Variants in C2CD3 observed in about 807,000 individuals in gnomAD.
The protein encoded by C2CD3 is C2 domain-containing protein 3.
A neutral mutation model predicts 234.0 loss-of-function variants in C2CD3; 148 were observed. That is an observed-to-expected ratio of 0.63 (90% confidence interval 0.55 to 0.72). The LOEUF is 0.72. C2CD3 is among the 30% of genes least tolerant of loss of function. The pLI is 0.00. For missense variants in C2CD3, 2,577 were observed against 2,811.5 expected, an observed-to-expected ratio of 0.92 and a Z score of 1.89; for synonymous variants, 1,000 against 1,035.4, an observed-to-expected ratio of 0.97 and a Z score of 0.66.
chr11:74,033,925 T>C lies in C2CD3; in HGVS notation c.6235A>G (p.Thr2079Ala). ...CAAGGGCTAGTTTTGTCTGTCACCGTGGTGATCTCATTTAAGGTCCTGGGC... is the reference window on the plus strand; with the variant it reads ...CAAGGGCTAGTTTTGTCTGTCACCGCGGTGATCTCATTTAAGGTCCTGGGC... ...IEPRTLNEIT[T>A]VTDKTSPWSS... Residue 2079 changes from threonine (T) to alanine (A), a missense_variant, in exon 31 of 33, where the codon ACG becomes GCG. By Grantham distance (58) the Thr-to-Ala change is moderately conservative. Coordinates refer to ENST00000334126, the MANE Select transcript of C2CD3 (RefSeq NM_001286577.2). 1 of 1,536,282 alleles carries C rather than the reference T, an allele frequency of 6.5e-7. No individual in the cohort carries two copies. Among genetic ancestry groups the C allele is most frequent in the South Asian group, 1.2e-5 (1 of 84,064 alleles).
chr11:74,117,855 G>C (rs1957081455), intron 9 of C2CD3, among the ~76,000 whole-genome samples: 1 of 151,362 alleles, frequency 6.6e-6, no homozygotes, highest in East Asian at 1.9e-4. Context: ...GGAGGTTGCG[G>C]TGATCTGAGA....
rs12291090 is a variant in C2CD3 at position 74,113,659 on chromosome 11, G to A, written c.1843+121C>T. The A allele has an allele frequency of 5.8e-3, 4,076 of 702,626 alleles. 129 individuals carry two copies. In the African/African-American group the frequency reaches 0.068, roughly 12 times the overall value. 43.5% of individuals were successfully genotyped at this position (702,626 alleles called of 1,614,324 possible). On this transcript the variant is annotated intron_variant, in intron 11 of 32. Transcript: ENST00000334126. ...TGCGCCACCACACTCCAGCCTGGGCGAAAGAGTGAGACTCCATGTCAAAAA... is the reference window on the plus strand; with the variant it reads ...TGCGCCACCACACTCCAGCCTGGGCAAAAGAGTGAGACTCCATGTCAAAAA...
At chr11:74,151,340 C>T (rs1855645108) in intron 3 of C2CD3, among the ~76,000 whole-genome samples, 1 of 125,656 alleles carries the variant, frequency 8.0e-6, no homozygotes, top group Non-Finnish European at 1.6e-5. Context: ...TTTATTGAGA[C>T]AGGGTCTCAC....
chr11:74,034,950 G>A (rs1051527158), intron 30 of C2CD3, among the ~76,000 whole-genome samples: 1 of 152,234 alleles, frequency 6.6e-6, no homozygotes, highest in East Asian at 1.9e-4. Flanking sequence ...CATACACTGT[G>A]TGGTGAATAT....
intron 25 of C2CD3, among the ~76,000 whole-genome samples, chr11:74,057,202 G>C (rs1282219686): frequency 1.3e-5 from 2 of 152,134 alleles, no homozygotes; most frequent in African/African-American, 2.4e-5. Flanking sequence ...AGCATACTGA[G>C]AAGAGTTAAA....
intron 7 of C2CD3, chr11:74,129,348 A>G: frequency 6.2e-6 from 1 of 162,434 alleles, no homozygotes; most frequent in Admixed American, 6.9e-5. Flanking sequence ...AGGTCTCCTC[A>G]TTTCTCAGAC....
intron 5 of C2CD3, among the ~76,000 whole-genome samples, chr11:74,133,866 A>G (rs1957766438): frequency 6.6e-6 from 1 of 152,156 alleles, no homozygotes; most frequent in Non-Finnish European, 1.5e-5. Context: ...CTTGTACCTA[A>G]TAAGGTTAGT....
intron 3 of C2CD3, among the ~76,000 whole-genome samples, chr11:74,141,928 G>A (rs897798698): frequency 3.3e-5 from 5 of 151,966 alleles, no homozygotes; most frequent in East Asian, 1.9e-4. Context: ...CTTGAGCCCC[G>A]GATATTGAGG....
intron 24 of C2CD3, among the ~76,000 whole-genome samples, chr11:74,073,636 T>C (rs1954901661): frequency 6.6e-6 from 1 of 151,540 alleles, no homozygotes; most frequent in African/African-American, 2.4e-5. Flanking sequence ...CCCCTAACTA[T>C]TGTAATTTCA....
chr11:74,149,748 T>C (rs1035360814), intron 3 of C2CD3, among the ~76,000 whole-genome samples: 1 of 152,150 alleles, frequency 6.6e-6, no homozygotes, highest in Non-Finnish European at 1.5e-5. Context: ...GTTTGCAATA[T>C]CCCACCTTGT....
intron 22 of C2CD3, 98 bp downstream of exon 22, chr11:74,084,783 C>T (rs1955565198): frequency 1.3e-6 from 1 of 753,122 alleles, no homozygotes. Flanking sequence ...GTTGTGTTTT[C>T]TTTTGAATAT....
chr11:74,097,911 C>CACATTATGTT (rs1400825118), intron 16 of C2CD3, 98 bp downstream of exon 16: 22 of 1,207,598 alleles, frequency 1.8e-5, no homozygotes, highest in Admixed American at 6.7e-5. Flanking sequence ...TTTTGTTGAG[C>CACATTATGTT]CTTTCATTAC....
chr11:74,064,377 C>T (rs199947054), intron 24 of C2CD3, among the ~76,000 whole-genome samples: 2 of 152,060 alleles, frequency 1.3e-5, no homozygotes, highest in East Asian at 3.8e-4. Flanking sequence ...ATGTGAAGGA[C>T]CTCTTCAAGG....
At chr11:74,143,500 GCAC>G (rs1417425586) in intron 3 of C2CD3, among the ~76,000 whole-genome samples, 1 of 149,774 alleles carries the variant, frequency 6.7e-6, no homozygotes, top group Non-Finnish European at 1.5e-5. Flanking sequence ...TTACTGGTGT[GCAC>G]CACCACATCA....
At chr11:74,030,619 T>G (rs1232693768) in intron 31 of C2CD3, among the ~76,000 whole-genome samples, 2 of 152,174 alleles carry the variant, frequency 1.3e-5, no homozygotes, top group African/African-American at 4.8e-5. Flanking sequence ...CTGCTTCTCT[T>G]TGCACACTGG....
intron 3 of C2CD3, among the ~76,000 whole-genome samples, chr11:74,151,906 G>A (rs1235598466): frequency 6.6e-6 from 1 of 152,150 alleles, no homozygotes; most frequent in Non-Finnish European, 1.5e-5. Context: ...AACTTTTAGA[G>A]ATGAAAATAT....
chr11:74,130,380 C>T lies in C2CD3; in HGVS notation c.1217+2464G>A, dbSNP rs531461687. 2.1e-3 allele frequency among the ~76,000 whole-genome samples: 324 copies of T among 152,102 alleles called. 1 individual carries two copies. The highest frequency in any genetic ancestry group is 4.0e-3 in the Non-Finnish European group (271 of 67,982). On this transcript the variant is annotated intron_variant, in intron 7 of 32. Transcript: ENST00000334126. ...AGCTAGGACTACAGTCATATGCCACCATACCTAGCTAATCTTTTTTATTTT... is the reference window on the plus strand; with the variant it reads ...AGCTAGGACTACAGTCATATGCCACTATACCTAGCTAATCTTTTTTATTTT...
At chr11:74,093,243 C>T (rs912576740) in intron 18 of C2CD3, among the ~76,000 whole-genome samples, 6 of 149,776 alleles carry the variant, frequency 4.0e-5, no homozygotes, top group African/African-American at 7.4e-5. Flanking sequence ...GTTGAACATC[C>T]GTATTTATGC....
chr11:74,019,683 A>ATTTT (rs879892933), intron 32 of C2CD3, among the ~76,000 whole-genome samples: 5,754 of 148,810 alleles, frequency 0.039, 359 homozygotes, highest in African/African-American at 0.12. Context: ...CAAAGGATAG[A>ATTTT]TTTTTTTTTT....
Sources: allele counts gnomAD v4.1 joint callset (sites outside exome capture counted in the v4.1 genomes callset), GRCh38; gene constraint gnomAD v4.1.1; transcripts MANE v1.5; gene names NCBI Gene and HGNC (gene_info 2026-07-23, HGNC 2026-07-21).